SDCCAG8: variants seen among roughly 807,000 people sequenced by gnomAD.
SDCCAG8 encodes the protein serologically defined colon cancer antigen 8.
Under a neutral mutation model 101.8 loss-of-function variants are expected in SDCCAG8, and 74 were observed. That is an observed-to-expected ratio of 0.73 (90% confidence interval 0.60 to 0.88). SDCCAG8 has a LOEUF of 0.88. Among genes scored for constraint, SDCCAG8 ranks in the 40% least tolerant of loss-of-function variants. The probability of loss-of-function intolerance (pLI) is 0.00; values close to 1 mark genes in which losing one functional copy is unlikely to be tolerated. For synonymous variants in SDCCAG8, 281 were observed against 292.9 expected, an observed-to-expected ratio of 0.96 and a Z score of 0.41; for missense variants, 787 against 822.6, an observed-to-expected ratio of 0.96 and a Z score of 0.53.
At chr1:243,313,964 G>A (rs1209985634) in intron 8 of SDCCAG8, among the ~76,000 whole-genome samples, 1 of 152,122 alleles carries the variant, frequency 6.6e-6, no homozygotes, top group Non-Finnish European at 1.5e-5. Context: ...GAATGGAGTA[G>A]GAAGCAAGGC....
At chr1:243,379,948 A>G (rs1385313655) in intron 13 of SDCCAG8, among the ~76,000 whole-genome samples, 3 of 152,216 alleles carry the variant, frequency 2.0e-5, no homozygotes, top group Non-Finnish European at 4.4e-5. Flanking sequence ...AATATTCTAG[A>G]GGTTGGTGAA....
intron 16 of SDCCAG8, among the ~76,000 whole-genome samples, chr1:243,428,231 C>T (rs777472789): frequency 2.1e-4 from 32 of 152,092 alleles, no homozygotes; most frequent in Non-Finnish European, 3.2e-4. Flanking sequence ...ACAAACGTGC[C>T]GAATGAAGGT....
intron 16 of SDCCAG8, among the ~76,000 whole-genome samples, chr1:243,450,215 T>C (rs2083251291): frequency 6.6e-6 from 1 of 152,204 alleles, no homozygotes; most frequent in Non-Finnish European, 1.5e-5. Context: ...TCCCAGTGTA[T>C]GGAAGTGTAT....
chr1:243,493,200 G>C (rs972395170), intron 17 of SDCCAG8, among the ~76,000 whole-genome samples: 17 of 148,958 alleles, frequency 1.1e-4, no homozygotes, highest in African/African-American at 3.9e-4. Flanking sequence ...GGCCCTGGCT[G>C]GGGGAGGCTG....
intron 1 of SDCCAG8, chr1:243,267,629 C>T: frequency 1.5e-6 from 1 of 670,428 alleles, no homozygotes; most frequent in Non-Finnish European, 2.7e-6. Context: ...AAGTCCCGGT[C>T]AACTGTGGGC....
intron 7 of SDCCAG8, among the ~76,000 whole-genome samples, chr1:243,307,075 T>TTG (rs1029426108): frequency 3.3e-5 from 5 of 151,524 alleles, no homozygotes; most frequent in African/African-American, 9.7e-5. Context: ...TTTTTTTTTT[T>TTG]GAAGTACAAA....
intron 16 of SDCCAG8, among the ~76,000 whole-genome samples, chr1:243,468,639 A>G (rs531450982): frequency 2.2e-4 from 33 of 152,316 alleles, no homozygotes; most frequent in Non-Finnish European, 4.3e-4. Context: ...GTGAGCTGTG[A>G]TCATGCCAGT....
chr1:243,409,147 T>C (rs1464524916), intron 13 of SDCCAG8, among the ~76,000 whole-genome samples: 2 of 152,152 alleles, frequency 1.3e-5, no homozygotes, highest in Non-Finnish European at 2.9e-5. Context: ...TATAAGCAAA[T>C]ATTGAAATCT....
chr1:243,482,890 G>C (rs562040872), intron 16 of SDCCAG8, among the ~76,000 whole-genome samples: 1 of 152,306 alleles, frequency 6.6e-6, no homozygotes, highest in South Asian at 2.1e-4. Context: ...CTCTGAAATC[G>C]GACGATTCTG....
At chr1:243,496,720 C>A (rs1283729642) in intron 17 of SDCCAG8, among the ~76,000 whole-genome samples, 1 of 152,216 alleles carries the variant, frequency 6.6e-6, no homozygotes, top group African/African-American at 2.4e-5. Context: ...GCTGGCTGGA[C>A]CCCACAGTGT....
chr1:243,356,363 A>G (rs2076378565), intron 12 of SDCCAG8, among the ~76,000 whole-genome samples: 1 of 151,538 alleles, frequency 6.6e-6, no homozygotes, highest in Non-Finnish European at 1.5e-5. Flanking sequence ...GGAGAGCAAG[A>G]AAGATGCTAG....
At chr1:243,271,133 A>G in intron 3 of SDCCAG8, 70 bp downstream of exon 3, 1 of 1,109,154 alleles carries the variant, frequency 9.0e-7, no homozygotes, top group Admixed American at 1.7e-5. Flanking sequence ...TTTGTAGTAC[A>G]TGTTGCAGAA....
At chr1:243,293,321 A>T in intron 6 of SDCCAG8, 102 bp downstream of exon 6, 1 of 1,237,220 alleles carries the variant, frequency 8.1e-7, no homozygotes, top group Non-Finnish European at 1.2e-6. Flanking sequence ...ATTTACCATT[A>T]TAACCATTTT....
At chr1:243,404,567 A>G (rs1188574115) in intron 13 of SDCCAG8, among the ~76,000 whole-genome samples, 1 of 152,196 alleles carries the variant, frequency 6.6e-6, no homozygotes, top group Non-Finnish European at 1.5e-5. Context: ...AGAATAGTGG[A>G]GTAGGAATCA....
chr1:243,462,842 T>C (rs533475855), intron 16 of SDCCAG8, among the ~76,000 whole-genome samples: 3 of 151,674 alleles, frequency 2.0e-5, no homozygotes, highest in East Asian at 1.9e-4. Flanking sequence ...CTCTCATCTT[T>C]TGGCAAAAAA....
At chr1:243,301,612 A>G (rs1171958723) in intron 6 of SDCCAG8, among the ~76,000 whole-genome samples, 1 of 152,242 alleles carries the variant, frequency 6.6e-6, no homozygotes. Flanking sequence ...GGAAATTTGT[A>G]GAGCCATCAC....
At chr1:243,441,553 T>C (rs1191481686) in intron 16 of SDCCAG8, among the ~76,000 whole-genome samples, 2 of 152,132 alleles carry the variant, frequency 1.3e-5, no homozygotes, top group African/African-American at 4.8e-5. Context: ...TGCCTAGGAG[T>C]AGCATTTTCT....
intron 16 of SDCCAG8, among the ~76,000 whole-genome samples, chr1:243,465,742 G>A (rs1660008489): frequency 6.6e-6 from 1 of 152,108 alleles, no homozygotes; most frequent in Non-Finnish European, 1.5e-5. Context: ...TGGAAATGAT[G>A]TTTTCTTCCC....
intron 8 of SDCCAG8, among the ~76,000 whole-genome samples, chr1:243,308,811 A>G (rs1318962685): frequency 2.6e-5 from 4 of 152,190 alleles, no homozygotes; most frequent in African/African-American, 9.6e-5. Context: ...TGAAAATTTT[A>G]TTCTGTGGAA....
Sources: allele counts gnomAD v4.1 joint callset (sites outside exome capture counted in the v4.1 genomes callset), GRCh38; gene constraint gnomAD v4.1.1; transcripts MANE v1.5; gene names NCBI Gene and HGNC (gene_info 2026-07-23, HGNC 2026-07-21).